The following STARD13 variants were observed in gnomAD, a reference collection of about 807,000 sequenced individuals.
The protein encoded by STARD13 is StAR related lipid transfer domain containing 13, also known as stAR-related lipid transfer protein 13.
STARD13 carries 62 observed loss-of-function variants against 106.4 expected under a neutral mutation model. The observed-to-expected ratio is 0.58, with a 90% CI of 0.48 to 0.72. The LOEUF is 0.72. Among genes scored for constraint, STARD13 ranks in the 30% least tolerant of loss-of-function variants. STARD13 has a pLI of 0.00. For missense variants in STARD13, 1,387 were observed against 1,424.0 expected (o/e 0.97, Z 0.42); for synonymous variants, 565 against 553.0 (o/e 1.02, Z -0.31).
At chr13:33,255,808 G>C (rs892075951) in intron 1 of STARD13, among the ~76,000 whole-genome samples, 1 of 152,156 alleles carries the variant, frequency 6.6e-6, no homozygotes, top group African/African-American at 2.4e-5. Flanking sequence ...GCAGGGAAGA[G>C]ACCTCCAGGA....
At chr13:33,580,235 C>T in the STARD13 span, among the ~76,000 whole-genome samples, 4 of 151,898 alleles carry the variant, frequency 2.6e-5, no homozygotes, top group Admixed American at 2.6e-4. Context: ...GATTATCAAT[C>T]CACAAAAAAT....
chr13:33,664,722 G>C, the STARD13 span, among the ~76,000 whole-genome samples: 1 of 152,182 alleles, frequency 6.6e-6, no homozygotes, highest in African/African-American at 2.4e-5. Context: ...CGCCTCCCAG[G>C]TTCCTGCCAT....
At chr13:33,535,272 C>T in the STARD13 span, among the ~76,000 whole-genome samples, 8 of 152,068 alleles carry the variant, frequency 5.3e-5, no homozygotes, top group East Asian at 1.9e-4. Flanking sequence ...AATCTGAATA[C>T]GACTGGCCAA....
chr13:33,627,654 G>A, the STARD13 span, among the ~76,000 whole-genome samples: 3 of 150,290 alleles, frequency 2.0e-5, no homozygotes, highest in Admixed American at 1.3e-4. Flanking sequence ...AAAAAAAAAT[G>A]TTCTTTTCTG....
the STARD13 span, among the ~76,000 whole-genome samples, chr13:33,630,244 C>T: frequency 2.6e-5 from 4 of 151,972 alleles, no homozygotes; most frequent in Admixed American, 1.3e-4. Context: ...CCTGGTCCTG[C>T]GTCCCTCCCT....
chr13:33,350,288 A>G lies in STARD13; in HGVS notation c.124+2T>C, dbSNP rs923551105. 2.6e-6 allele frequency: 4 copies of G among 1,530,500 alleles called. No homozygotes were observed. In the East Asian group the frequency reaches 9.9e-5, roughly 38 times the overall value. 94.8% of individuals were successfully genotyped at this position (1,530,500 alleles called of 1,614,324 possible). A position where few individuals can be genotyped will look rare whatever the true frequency, so the allele number is the denominator to read the frequency against. On this transcript the variant is annotated splice_donor_variant, in intron 1 of 1. Transcript: ENST00000439831. LOFTEE classifies it high-confidence loss of function. The stretch of plus-strand genomic sequence containing the variant: ...GGGTCGCGGCGTCTCCGGGGCACTG[A>G]CCTGCCAGCCGCCTCTCCCGGACGT...
chr13:33,146,516 T>C (rs962907166), intron 3 of STARD13, among the ~76,000 whole-genome samples: 7 of 152,158 alleles, frequency 4.6e-5, no homozygotes, highest in Non-Finnish European at 1.0e-4. Flanking sequence ...ACGATTGTGG[T>C]GATAGTTACA....
At chr13:33,115,986 A>T (rs556379109) in intron 8 of STARD13, among the ~76,000 whole-genome samples, 1 of 152,346 alleles carries the variant, frequency 6.6e-6, no homozygotes, top group Admixed American at 6.5e-5. Flanking sequence ...GACTGTTCAA[A>T]TGACTGTTCG....
chr13:33,613,224 G>A, the STARD13 span, among the ~76,000 whole-genome samples: 1 of 152,176 alleles, frequency 6.6e-6, no homozygotes, highest in Non-Finnish European at 1.5e-5. Context: ...AGCTTTGAGA[G>A]GGAGATGTTA....
intron 1 of STARD13, among the ~76,000 whole-genome samples, chr13:33,306,569 A>G (rs1211132935): frequency 6.6e-6 from 1 of 152,226 alleles, no homozygotes. Context: ...AATTTTTGCA[A>G]TCTATCCATC....
intron 1 of STARD13, chr13:33,276,894 C>T (rs760549412): frequency 2.0e-5 from 3 of 152,096 alleles, no homozygotes; most frequent in Non-Finnish European, 4.4e-5. Flanking sequence ...TCTCAGGATT[C>T]CTATGCTGTG....
intron 1 of STARD13, among the ~76,000 whole-genome samples, chr13:33,250,127 TAC>T (rs1016928959): frequency 2.0e-5 from 3 of 152,114 alleles, no homozygotes; most frequent in African/African-American, 7.2e-5. Flanking sequence ...ACAGCAGCTT[TAC>T]ACACCCTTAT....
At chr13:33,517,304 AAAG>A in the STARD13 span, among the ~76,000 whole-genome samples, 7 of 152,114 alleles carry the variant, frequency 4.6e-5, no homozygotes, top group Non-Finnish European at 1.0e-4. Context: ...TACCTCAACC[AAAG>A]AAGAGTTCCT....
At chr13:33,673,607 A>G in the STARD13 span, among the ~76,000 whole-genome samples, 1 of 145,162 alleles carries the variant, frequency 6.9e-6, no homozygotes, top group African/African-American at 2.7e-5. Context: ...CAGTGGCACA[A>G]TCTTGGCTCA....
chr13:33,119,503 G>T (rs1378097733), intron 7 of STARD13, among the ~76,000 whole-genome samples: 1 of 152,152 alleles, frequency 6.6e-6, no homozygotes, highest in Non-Finnish European at 1.5e-5. Flanking sequence ...TGTGACAAAG[G>T]CTTTCCTGAT....
the STARD13 span, among the ~76,000 whole-genome samples, chr13:33,564,206 C>CAAAAAAAAA: frequency 1.9e-5 from 1 of 53,856 alleles, no homozygotes. Context: ...GACTGTATCT[C>CAAAAAAAAA]AAAAAAAAAA....
chr13:33,485,246 G>A, the STARD13 span, among the ~76,000 whole-genome samples: 437 of 152,264 alleles, frequency 2.9e-3, no homozygotes, highest in African/African-American at 9.9e-3. Flanking sequence ...TAGTTCTTCT[G>A]AAACTCAAAG....
intron 6 of STARD13, 45 bp from the exon 7 acceptor site, chr13:33,126,285 C>CTG (rs1877161531): frequency 6.3e-7 from 1 of 1,597,024 alleles, no homozygotes; most frequent in African/African-American, 1.3e-5. Context: ...CTGGGTCACA[C>CTG]TGTGGGGTGA....
the STARD13 span, among the ~76,000 whole-genome samples, chr13:33,478,397 C>T: frequency 1.3e-5 from 2 of 152,304 alleles, no homozygotes; most frequent in African/African-American, 4.8e-5. Context: ...TTTTTCAAAT[C>T]TCTTTCCTCA....
Sources: allele counts gnomAD v4.1 joint callset (sites outside exome capture counted in the v4.1 genomes callset), GRCh38; gene constraint gnomAD v4.1.1; transcripts MANE v1.5; gene names NCBI Gene and HGNC (gene_info 2026-07-23, HGNC 2026-07-21).